DCC: variants seen among roughly 807,000 people sequenced by gnomAD.
The protein encoded by DCC is DCC netrin 1 receptor.
In DCC, 58 loss-of-function variants were observed where a neutral mutation model predicts 172.5. The ratio of observed to expected loss-of-function variants is 0.34; its 90% confidence interval spans 0.27 to 0.42. DCC has a LOEUF of 0.42. Ranked by LOEUF, DCC falls within the 10% of genes least tolerant of loss-of-function variation. The pLI is 1.00. For missense variants in DCC, 1,740 were observed against 1,791.0 expected, an observed-to-expected ratio of 0.97 and a Z score of 0.51; for synonymous variants, 709 against 644.5, an observed-to-expected ratio of 1.10 and a Z score of -1.52.
chr18:53,095,226 C>T (rs1344082395), intron 7 of DCC, among the ~76,000 whole-genome samples: 1 of 152,096 alleles, frequency 6.6e-6, no homozygotes, highest in Non-Finnish European at 1.5e-5. Flanking sequence ...TTTCAGGAAA[C>T]CTGCTTAACC....
chr18:53,469,214 C>A (rs149635162), intron 25 of DCC, among the ~76,000 whole-genome samples: 2 of 152,214 alleles, frequency 1.3e-5, no homozygotes, highest in African/African-American at 4.8e-5. Context: ...CTCCCTTGGT[C>A]TTCCTTCCCC....
At chr18:52,493,791 G>A (rs544571771) in intron 1 of DCC, among the ~76,000 whole-genome samples, 2 of 152,054 alleles carry the variant, frequency 1.3e-5, no homozygotes, top group East Asian at 3.9e-4. Flanking sequence ...AATTATTACT[G>A]TCAGTAATGG....
chr18:53,499,155 G>A (rs530367605), intron 26 of DCC, 143 bp from the exon 27 acceptor site: 39 of 788,976 alleles, frequency 4.9e-5, no homozygotes, highest in African/African-American at 2.7e-4. Context: ...GAAGGTAGAC[G>A]AATGACAATG....
chr18:53,527,410 AAT>A (rs1491432040), intron 28 of DCC, among the ~76,000 whole-genome samples: 1 of 151,946 alleles, frequency 6.6e-6, no homozygotes, highest in Non-Finnish European at 1.5e-5. Flanking sequence ...AAATTAAAAA[AAT>A]ATAGTGACAA....
chr18:53,322,242 C>A, intron 14 of DCC, 85 bp downstream of exon 14: 1 of 785,406 alleles, frequency 1.3e-6, no homozygotes. Flanking sequence ...GGAATGAACT[C>A]CAACTTTGGG....
In DCC at chr18:53,157,527, C is replaced by G. The variant is rs779936656; in HGVS notation, c.1418+15C>G. ...GGTGACAACAGGTAGGTGATGCTAC[C>G]AATAAAATTCAGCTTAATCGGTCAT... is the stretch of plus-strand genomic sequence containing the variant. On this transcript the variant is annotated intron_variant, in intron 8 of 28. Transcript: ENST00000442544. The G allele has an allele frequency of 3.7e-6, 6 of 1,613,186 alleles. No homozygotes were observed. Among genetic ancestry groups the G allele is most frequent in the Non-Finnish European group, 4.2e-6 (5 of 1,179,604 alleles).
chr18:52,937,203 A>C (rs1490116895), intron 5 of DCC, among the ~76,000 whole-genome samples: 1 of 152,148 alleles, frequency 6.6e-6, no homozygotes, highest in Non-Finnish European at 1.5e-5. Flanking sequence ...AGGCAGGTAG[A>C]ATGCAAAGAG....
chr18:52,741,233 G>A (rs1181748964), intron 1 of DCC, among the ~76,000 whole-genome samples: 1 of 152,128 alleles, frequency 6.6e-6, no homozygotes, highest in African/African-American at 2.4e-5. Context: ...AATGGGTCCT[G>A]AATATGATCA....
At chr18:53,042,531 G>A (rs948998706) in intron 5 of DCC, among the ~76,000 whole-genome samples, 1 of 151,886 alleles carries the variant, frequency 6.6e-6, no homozygotes, top group African/African-American at 2.4e-5. Context: ...AAATGAGTTA[G>A]GGAGGAGTCC....
At chr18:52,726,078 G>T (rs1447762679) in intron 1 of DCC, among the ~76,000 whole-genome samples, 1 of 152,174 alleles carries the variant, frequency 6.6e-6, no homozygotes, top group East Asian at 1.9e-4. Flanking sequence ...ATCACATTTT[G>T]ACCAATATTG....
In DCC at chr18:52,906,185, G is replaced by T. The variant is rs1166666228; in HGVS notation, c.554G>T (p.Gly185Val). The T allele has an allele frequency of 1.2e-6, 2 of 1,614,056 alleles. No homozygotes were observed. Among genetic ancestry groups the T allele is most frequent in the Non-Finnish European group, 1.7e-6 (2 of 1,180,010 alleles). Residue 185 changes from glycine (G) to valine (V), a missense_variant, in exon 3 of 29, where the codon GGT (glycine) becomes GTT (valine). By Grantham distance (109) the Gly-to-Val change is moderately radical. Transcript: ENST00000442544. ...KNQQDLTPIP[G>V]DSRVVVLPSG... ...CAACAAGACCTGACTCCAATCCCAG[G>T]TGACTCCCGAGTGGTGGTCTTGCCC...
chr18:53,159,575 T>C (rs1375073858), intron 8 of DCC, among the ~76,000 whole-genome samples: 1 of 152,214 alleles, frequency 6.6e-6, no homozygotes, highest in East Asian at 1.9e-4. Flanking sequence ...GGTTCTTAAA[T>C]ACAATAAAAC....
intron 1 of DCC, among the ~76,000 whole-genome samples, chr18:52,442,487 T>C (rs1029207427): frequency 6.6e-6 from 1 of 152,192 alleles, no homozygotes; most frequent in African/African-American, 2.4e-5. Context: ...TTTCTAACTT[T>C]TATTTAGTAT....
chr18:53,467,708 G>A (rs1442395606), intron 24 of DCC, among the ~76,000 whole-genome samples, 186 bp from the exon 25 acceptor site: 1 of 152,164 alleles, frequency 6.6e-6, no homozygotes, highest in African/African-American at 2.4e-5. Flanking sequence ...TGTATGCAAT[G>A]AGTTTAGAGT....
chr18:52,506,837 A>G (rs978640380), intron 1 of DCC, among the ~76,000 whole-genome samples: 2 of 152,130 alleles, frequency 1.3e-5, no homozygotes, highest in Admixed American at 6.6e-5. Context: ...TTGAAGAATA[A>G]TTTTAGCAAT....
At chr18:53,309,089 G>A (rs940055238) in intron 13 of DCC, among the ~76,000 whole-genome samples, 4 of 151,994 alleles carry the variant, frequency 2.6e-5, no homozygotes, top group South Asian at 2.1e-4. Context: ...CCAGGCTGGA[G>A]TACCGTGGCA....
chr18:53,210,962 C>T (rs1269663560), intron 11 of DCC, among the ~76,000 whole-genome samples: 1 of 150,774 alleles, frequency 6.6e-6, no homozygotes. Context: ...ATTTTTTTTT[C>T]ACACCACTGA....
At chr18:53,161,459 C>T (rs1467806961) in intron 8 of DCC, among the ~76,000 whole-genome samples, 2 of 152,188 alleles carry the variant, frequency 1.3e-5, no homozygotes, top group Non-Finnish European at 2.9e-5. Flanking sequence ...TATCAAATTG[C>T]TTCAGGACTC....
chr18:52,757,257 T>C (rs751006973), intron 2 of DCC: 15 of 152,192 alleles, frequency 9.9e-5, no homozygotes, highest in Non-Finnish European at 1.9e-4. Flanking sequence ...TACAGGGCAC[T>C]CCTCTCAGCC....
Sources: allele counts gnomAD v4.1 joint callset (sites outside exome capture counted in the v4.1 genomes callset), GRCh38; gene constraint gnomAD v4.1.1; transcripts MANE v1.5; gene names NCBI Gene and HGNC (gene_info 2026-07-23, HGNC 2026-07-21).